Variants in GUCY1A2 observed in about 807,000 individuals in gnomAD.
GUCY1A2 encodes guanylate cyclase soluble subunit alpha-2.
A neutral mutation model predicts 63.5 loss-of-function variants in GUCY1A2; 27 were observed. The observed-to-expected ratio is 0.43, with a 90% CI of 0.31 to 0.59. GUCY1A2 has a LOEUF of 0.59. Ranked by LOEUF, GUCY1A2 falls within the 20% of genes least tolerant of loss-of-function variation. The pLI, the probability that GUCY1A2 is intolerant of heterozygous loss-of-function variation, is 0.11. For synonymous variants in GUCY1A2, 364 were observed against 343.5 expected (o/e 1.06, Z -0.66); for missense variants, 768 against 913.3 (o/e 0.84, Z 2.05).
chr11:106,827,147 CTT>C (rs1858982075), intron 4 of GUCY1A2: 2 of 1,486,988 alleles, frequency 1.3e-6, no homozygotes, highest in Admixed American at 1.7e-5. Flanking sequence ...TGAGAAAACT[CTT>C]TTGTTCCTTT....
In GUCY1A2 at chr11:106,939,953, T is replaced by C. The variant is rs1486148902; in HGVS notation, c.713A>G (p.His238Arg). Residue 238 changes from histidine (H) to arginine (R), a missense_variant, in exon 4 of 8, where the codon CAC becomes CGC. By Grantham distance (29) the His-to-Arg change is conservative (BLOSUM62 0). Around this residue, in one of 3 missense-constraint regions of GUCY1A2, gnomAD observed 496 missense variants for 486.9 expected, o/e 1.02. Transcript: ENST00000526355. Reference protein sequence around the residue: ...KELPEGTLMLHYFHPHHIVGF... With the variant: ...KELPEGTLMLRYFHPHHIVGF... ...CACAATATGGTGAGGGTGGAAGTAG[T>C]GGAGCATGAGAGTACCTTCAGGGAG... is the stretch of plus-strand genomic sequence containing the variant. 11 of 1,613,784 alleles carry C rather than the reference T, an allele frequency of 6.8e-6. No homozygotes were observed. The highest frequency in any genetic ancestry group is 8.5e-6 in the Non-Finnish European group (10 of 1,179,858).
chr11:106,964,496 ATGAAGT>A (rs1361516196), intron 3 of GUCY1A2, among the ~76,000 whole-genome samples: 1 of 152,204 alleles, frequency 6.6e-6, no homozygotes, highest in Non-Finnish European at 1.5e-5. Flanking sequence ...GAAGCACATC[ATGAAGT>A]GTGCATTAAT....
chr11:106,933,346 T>C (rs1363372638), intron 4 of GUCY1A2, among the ~76,000 whole-genome samples: 1 of 151,952 alleles, frequency 6.6e-6, no homozygotes, highest in African/African-American at 2.4e-5. Flanking sequence ...TATAAAAAAA[T>C]ACTCAACATC....
intron 5 of GUCY1A2, among the ~76,000 whole-genome samples, chr11:106,784,335 A>G (rs906893565): frequency 1.3e-5 from 2 of 152,082 alleles, no homozygotes; most frequent in South Asian, 2.1e-4. Context: ...CTCCTTCCTG[A>G]AAGCAGGATG....
intron 4 of GUCY1A2, among the ~76,000 whole-genome samples, chr11:106,938,995 C>A (rs570562272): frequency 3.3e-5 from 5 of 152,022 alleles, no homozygotes; most frequent in Admixed American, 6.6e-5. Flanking sequence ...CATATTAAGA[C>A]AAAAATAGGA....
At chr11:106,855,771 G>A (rs1326518853) in intron 4 of GUCY1A2, among the ~76,000 whole-genome samples, 2 of 152,048 alleles carry the variant, frequency 1.3e-5, no homozygotes, top group African/African-American at 4.8e-5. Context: ...TATATTTATA[G>A]CAGTACCACT....
At chr11:106,864,729 A>G (rs965990875) in intron 4 of GUCY1A2, among the ~76,000 whole-genome samples, 5 of 152,096 alleles carry the variant, frequency 3.3e-5, no homozygotes, top group Non-Finnish European at 7.4e-5. Flanking sequence ...ATTGAGTCAC[A>G]TATGTTGAAC....
chr11:106,757,677 G>C (rs746220457), intron 6 of GUCY1A2, among the ~76,000 whole-genome samples: 1 of 152,146 alleles, frequency 6.6e-6, no homozygotes, highest in Admixed American at 6.5e-5. Flanking sequence ...TATCACCAGC[G>C]GAGGCTGCAG....
intron 3 of GUCY1A2, among the ~76,000 whole-genome samples, chr11:106,967,595 T>C (rs1002123923): frequency 3.9e-5 from 6 of 152,048 alleles, no homozygotes; most frequent in Non-Finnish European, 8.8e-5. Flanking sequence ...TATGATATTC[T>C]AATTGGGTGA....
intron 4 of GUCY1A2, among the ~76,000 whole-genome samples, chr11:106,843,203 T>C (rs1266331656): frequency 6.6e-6 from 1 of 151,476 alleles, no homozygotes; most frequent in Non-Finnish European, 1.5e-5. Context: ...CTTAAAGGAG[T>C]AATAAGATAC....
intron 4 of GUCY1A2, among the ~76,000 whole-genome samples, chr11:106,873,635 A>G (rs967554293): frequency 1.3e-5 from 2 of 151,852 alleles, no homozygotes; most frequent in Non-Finnish European, 2.9e-5. Context: ...TTTCTTGTAA[A>G]TTTGTTTAAT....
At chr11:106,909,055 G>T (rs1049272815) in intron 4 of GUCY1A2, among the ~76,000 whole-genome samples, 2 of 151,952 alleles carry the variant, frequency 1.3e-5, no homozygotes, top group African/African-American at 4.8e-5. Flanking sequence ...CGGAATGAAT[G>T]AAAGGGATAA....
At position 107,017,815 on chromosome 11, in the gene GUCY1A2, G is replaced by T; in HGVS notation, c.241C>A (p.Arg81Ser). 1 of 1,413,468 alleles carries T rather than the reference G, an allele frequency of 7.1e-7. No homozygotes were observed. The highest frequency in any genetic ancestry group is 9.2e-7 in the Non-Finnish European group (1 of 1,082,674). 87.6% of individuals were successfully genotyped at this position (1,413,468 alleles called of 1,614,324 possible). ...GAGTCCAGGTTGACCCGCCTCCGGC[G>T]CTGCACCCTCCTGGCCCCGGCAGTG... ...AATAGARRVQRRRRVNLDSLG... is the reference protein window; with the variant it reads ...AATAGARRVQSRRRVNLDSLG... Residue 81 changes from arginine to serine, a missense_variant, in exon 1 of 8, where the codon CGC (arginine) becomes AGC (serine). Around this residue, in one of 3 missense-constraint regions of GUCY1A2, gnomAD observed 496 missense variants for 486.9 expected, o/e 1.02. Transcript: ENST00000526355.
intron 6 of GUCY1A2, among the ~76,000 whole-genome samples, chr11:106,717,638 G>A (rs763163151): frequency 2.5e-4 from 38 of 152,282 alleles, no homozygotes; most frequent in Non-Finnish European, 2.6e-4. Flanking sequence ...GCATTTAAGT[G>A]TTGCTTTTAG....
chr11:106,888,616 T>C (rs536531459), intron 4 of GUCY1A2, among the ~76,000 whole-genome samples: 121 of 152,356 alleles, frequency 7.9e-4, no homozygotes, highest in African/African-American at 2.6e-3. Flanking sequence ...CTATCCTTTA[T>C]AGCCAACAGG....
intron 6 of GUCY1A2, among the ~76,000 whole-genome samples, chr11:106,739,024 G>A (rs113908279): frequency 6.6e-6 from 1 of 152,268 alleles, no homozygotes; most frequent in African/African-American, 2.4e-5. Flanking sequence ...CTATCCACGA[G>A]CATGGAATGT....
In GUCY1A2 at chr11:106,936,637, G is replaced by GT. The variant is rs770162749; in HGVS notation, c.1206+2822dup. On this transcript the variant is annotated intron_variant, in intron 4 of 7. Transcript: ENST00000526355. ...AAGCTTGGTCAAGCCATCTGGAAGA[G>GT]TTTTTTTCTAACCTCAAGACTGTTG... The GT allele has an allele frequency of 5.4e-6, 8 of 1,488,492 alleles. No homozygotes were observed. The African/African-American group carries it at 6.9e-5, about 13-fold the overall frequency. The allele number at this position is 1,488,492 out of a possible 1,614,324, so 92.2% of individuals were successfully genotyped here. A position where few individuals can be genotyped will look rare whatever the true frequency, so the allele number is the denominator to read the frequency against.
intron 4 of GUCY1A2, among the ~76,000 whole-genome samples, chr11:106,876,469 C>T (rs1489892145): frequency 2.6e-5 from 4 of 152,032 alleles, no homozygotes; most frequent in East Asian, 1.9e-4. Context: ...ATCCAACATA[C>T]GTAAATAACT....
chr11:107,007,872 T>TCCATCTCAAAAAAAAAAAAAAAAAAAA, intron 1 of GUCY1A2, among the ~76,000 whole-genome samples: 1 of 145,158 alleles, frequency 6.9e-6, no homozygotes. Context: ...ATGATAGATT[T>TCCATCTCAAAAAAAAAAAAAAAAAAAA]ACTGTCCCTC....
Sources: allele counts gnomAD v4.1 joint callset (sites outside exome capture counted in the v4.1 genomes callset), GRCh38; gene constraint gnomAD v4.1.1; regional missense constraint gnomAD v4.1.1; transcripts MANE v1.5; gene names NCBI Gene and HGNC (gene_info 2026-07-23, HGNC 2026-07-21).